Variants in MCC observed in about 807,000 individuals in gnomAD.
The protein encoded by MCC is colorectal mutant cancer protein.
MCC carries 90 observed loss-of-function variants against 116.2 expected under a neutral mutation model. That is an observed-to-expected ratio of 0.77 (90% confidence interval 0.65 to 0.92). The LOEUF (loss-of-function observed/expected upper bound fraction) is 0.92. Ranked by LOEUF, MCC falls within the 40% of genes least tolerant of loss-of-function variation. The pLI is 0.00. For missense variants in MCC, 1,516 were observed against 1,312.2 expected (o/e 1.16, Z -2.40); for synonymous variants, 578 against 510.5 (o/e 1.13, Z -1.78).
At chr5:113,336,360 T>A (rs1288682753) in intron 3 of MCC, among the ~76,000 whole-genome samples, 1 of 151,746 alleles carries the variant, frequency 6.6e-6, no homozygotes, top group African/African-American at 2.4e-5. Context: ...TTGCAGTAAT[T>A]CTAATTCACT....
intron 1 of MCC, among the ~76,000 whole-genome samples, chr5:113,442,215 C>G (rs527954196): frequency 2.1e-4 from 32 of 152,298 alleles, no homozygotes; most frequent in African/African-American, 7.7e-4. Context: ...GAGATAGTAA[C>G]TCATTGTGGT....
intron 3 of MCC, among the ~76,000 whole-genome samples, chr5:113,194,911 T>C (rs141330491): frequency 6.6e-6 from 1 of 152,146 alleles, no homozygotes; most frequent in Admixed American, 6.5e-5. Flanking sequence ...AAAGAGAACA[T>C]GGCCCCCACA....
intron 4 of MCC, among the ~76,000 whole-genome samples, chr5:113,149,061 T>C (rs1310581020): frequency 1.3e-5 from 2 of 152,176 alleles, no homozygotes; most frequent in Non-Finnish European, 2.9e-5. Context: ...CTTTTTAAAA[T>C]CCAAGACTAC....
intron 15 of MCC, among the ~76,000 whole-genome samples, chr5:113,049,959 G>C (rs1752376997): frequency 6.6e-6 from 1 of 152,222 alleles, no homozygotes; most frequent in African/African-American, 2.4e-5. Context: ...TGAGAGCGAT[G>C]AGTGGAGAAT....
intron 3 of MCC, among the ~76,000 whole-genome samples, chr5:113,196,216 C>T (rs750464895): frequency 6.6e-6 from 1 of 152,204 alleles, no homozygotes; most frequent in Non-Finnish European, 1.5e-5. Context: ...GTGCCAACAC[C>T]TAGTGCTGGG....
chr5:113,390,727 G>T (rs544242921), intron 1 of MCC, among the ~76,000 whole-genome samples: 2 of 152,252 alleles, frequency 1.3e-5, no homozygotes, highest in East Asian at 3.9e-4. Flanking sequence ...TCCCCACAAT[G>T]ATAATAAATC....
Position 113,446,933 on chromosome 5 carries a change from C to T in MCC, c.170+41312G>A, listed in dbSNP as rs567522185. On this transcript the variant is annotated intron_variant, in intron 1 of 18. Coordinates refer to ENST00000408903, the MANE Select transcript of MCC (RefSeq NM_001085377.2). ...CCAGGTAACAAACCTGCACATGTACCCCCTGAATCTAAAATAAAAGTTAAA... is the reference window on the plus strand; with the variant it reads ...CCAGGTAACAAACCTGCACATGTACTCCCTGAATCTAAAATAAAAGTTAAA... Among the ~76,000 whole-genome samples the T allele has an allele frequency of 1.6e-3, 241 of 152,114 alleles. 1 individual carries two copies. Among genetic ancestry groups the T allele is most frequent in the Non-Finnish European group, 2.6e-3 (174 of 67,986 alleles).
At chr5:113,338,815 T>TA in intron 3 of MCC, among the ~76,000 whole-genome samples, 1 of 152,294 alleles carries the variant, frequency 6.6e-6, no homozygotes, top group East Asian at 1.9e-4. Flanking sequence ...TTAGGATAGT[T>TA]AGAGTTCTAC....
intron 3 of MCC, among the ~76,000 whole-genome samples, chr5:113,232,077 T>C (rs901510147): frequency 2.0e-5 from 3 of 152,190 alleles, no homozygotes; most frequent in Admixed American, 2.0e-4. Flanking sequence ...AAAGATACTA[T>C]GTTATTTGTT....
At position 113,022,710 on chromosome 5, in the gene MCC, A is replaced by C. The variant is rs1302795742; in HGVS notation, c.*4592T>G. On this transcript the variant is annotated 3_prime_UTR_variant, in exon 19 of 19. Coordinates refer to ENST00000408903, the MANE Select transcript of MCC (RefSeq NM_001085377.2). ...GGGAATGGTAGAACCAGAATTACTA[A>C]GTACGGCATCAGTGTGAATGTGGGG... The C allele has an allele frequency of 1.3e-5, 2 of 152,248 alleles. No homozygotes were observed. The highest frequency in any genetic ancestry group is 3.8e-4 in the East Asian group (2 of 5,198). 9.4% of individuals were successfully genotyped at this position (152,248 alleles called of 1,614,324 possible).
chr5:113,194,454 C>A (rs904238087), intron 3 of MCC, among the ~76,000 whole-genome samples: 1 of 152,100 alleles, frequency 6.6e-6, no homozygotes, highest in African/African-American at 2.4e-5. Context: ...TGCCTTAAGT[C>A]AGGAGTTCAA....
At chr5:113,206,897 C>G (rs572725580) in intron 3 of MCC, among the ~76,000 whole-genome samples, 181 of 152,268 alleles carry the variant, frequency 1.2e-3, no homozygotes, top group African/African-American at 4.1e-3. Flanking sequence ...GTAAGCAAGA[C>G]AGGGGTCATT....
intron 3 of MCC, among the ~76,000 whole-genome samples, chr5:113,184,505 G>C (rs1761800451): frequency 7.9e-6 from 1 of 125,810 alleles, no homozygotes; most frequent in Non-Finnish European, 1.6e-5. Flanking sequence ...TTTGGAGACA[G>C]AGTCTTGTTC....
intron 3 of MCC, among the ~76,000 whole-genome samples, chr5:113,282,930 G>C (rs903913630): frequency 3.9e-5 from 6 of 152,200 alleles, no homozygotes; most frequent in Non-Finnish European, 1.5e-5. Context: ...TTTGAAGACT[G>C]TGAAATCACA....
intron 1 of MCC, among the ~76,000 whole-genome samples, chr5:113,485,505 T>A (rs1033287289): frequency 6.6e-6 from 1 of 152,190 alleles, no homozygotes; most frequent in Non-Finnish European, 1.5e-5. Context: ...ATTAAGGGAT[T>A]TGGGAAAGCT....
intron 5 of MCC, among the ~76,000 whole-genome samples, chr5:113,132,372 G>C: frequency 8.6e-6 from 1 of 116,602 alleles, no homozygotes; most frequent in Admixed American, 9.1e-5. Flanking sequence ...GTGTGTGTGT[G>C]TATATATATA....
intron 3 of MCC, among the ~76,000 whole-genome samples, chr5:113,292,516 C>T (rs2150361635): frequency 6.6e-6 from 1 of 152,258 alleles, no homozygotes; most frequent in South Asian, 2.1e-4. Context: ...ACAAAGCACT[C>T]TCAACTCTTT....
chr5:113,354,262 G>A (rs1768353161), intron 2 of MCC, among the ~76,000 whole-genome samples: 1 of 152,108 alleles, frequency 6.6e-6, no homozygotes, highest in African/African-American at 2.4e-5. Context: ...CCACTGGCCA[G>A]ATATAGTCAT....
At chr5:113,339,440 C>T (rs199647792) in intron 3 of MCC, among the ~76,000 whole-genome samples, 1,348 of 82,540 alleles carry the variant, frequency 0.016, 7 homozygotes, top group Non-Finnish European at 0.024. Flanking sequence ...TGTGTGTGTG[C>T]GTGCATGTGT....
Sources: gnomAD v4.1 joint callset for allele counts (sites outside exome capture counted in the v4.1 genomes callset) on GRCh38, gnomAD v4.1.1 for gene constraint, MANE v1.5 for transcripts, NCBI Gene and HGNC (gene_info 2026-07-23, HGNC 2026-07-21) for gene names.